IL1RAPL2: variants seen among roughly 807,000 people sequenced by gnomAD.
IL1RAPL2 encodes the protein interleukin 1 receptor accessory protein like 2, also known as X-linked interleukin-1 receptor accessory protein-like 2.
A neutral mutation model predicts 44.1 loss-of-function variants in IL1RAPL2; 3 were observed. The ratio of observed to expected loss-of-function variants is 0.07; its 90% CI spans 0.03 to 0.18. The LOEUF (loss-of-function observed/expected upper bound fraction) is 0.18. Ranked by LOEUF, IL1RAPL2 falls within the 10% of genes least tolerant of loss-of-function variation. The pLI is 1.00. For synonymous variants in IL1RAPL2, 181 were observed against 178.8 expected (o/e 1.01, Z -0.10); for missense variants, 391 against 496.4 (o/e 0.79, Z 2.02).
At chrX:105,637,595 G>GC (rs35771946) in intron 6 of IL1RAPL2, among the ~76,000 whole-genome samples, 31,582 of 106,082 alleles carry the variant, frequency 0.3, 3,787 homozygotes, top group Middle Eastern at 0.36. Flanking sequence ...TAAATTATTT[G>GC]CCCCCCCCAT....
At chrX:105,503,021 G>A (rs1311211180) in intron 6 of IL1RAPL2, among the ~76,000 whole-genome samples, 1 of 110,626 alleles carries the variant, frequency 9.0e-6, no homozygotes, top group African/African-American at 3.3e-5. Flanking sequence ...GTTTCATTAA[G>A]TGCTCTCTGT....
At chrX:104,974,473 A>G (rs1296739803) in intron 2 of IL1RAPL2, among the ~76,000 whole-genome samples, 1 of 112,568 alleles carries the variant, frequency 8.9e-6, no homozygotes, top group East Asian at 2.8e-4. Flanking sequence ...ACTTAAACAC[A>G]TCAAATAAAA....
At chrX:105,125,746 T>C (rs1805971913) in intron 2 of IL1RAPL2, among the ~76,000 whole-genome samples, 1 of 110,378 alleles carries the variant, frequency 9.1e-6, no homozygotes, top group Non-Finnish European at 1.9e-5. Flanking sequence ...ATTCACAGGA[T>C]GTGAACCCTG....
At chrX:105,009,284 A>G (rs758720086) in intron 2 of IL1RAPL2, among the ~76,000 whole-genome samples, 7 of 111,279 alleles carry the variant, frequency 6.3e-5, no homozygotes, top group African/African-American at 2.3e-4. Flanking sequence ...ATTCTGCTAT[A>G]AAGACACATG....
At chrX:105,346,979 C>CAGA (rs1367611611) in intron 5 of IL1RAPL2, among the ~76,000 whole-genome samples, 1 of 111,586 alleles carries the variant, frequency 9.0e-6, no homozygotes, top group Non-Finnish European at 1.9e-5. Flanking sequence ...ATGTCAAGTC[C>CAGA]AGAAGAAATG....
At chrX:105,266,444 T>A (rs2034403514) in intron 4 of IL1RAPL2, among the ~76,000 whole-genome samples, 1 of 111,951 alleles carries the variant, frequency 8.9e-6, no homozygotes. Flanking sequence ...GGTAGAACAT[T>A]TGAGGCGAAT....
intron 2 of IL1RAPL2, among the ~76,000 whole-genome samples, chrX:105,097,124 C>T (rs1328280623): frequency 2.8e-5 from 3 of 108,793 alleles, no homozygotes; most frequent in Non-Finnish European, 3.8e-5. Flanking sequence ...GTCAGGAGAT[C>T]GAGACCATCC....
chrX:105,309,212 T>A (rs1404684805), intron 5 of IL1RAPL2, among the ~76,000 whole-genome samples: 2 of 107,123 alleles, frequency 1.9e-5, no homozygotes, highest in Non-Finnish European at 3.9e-5. Flanking sequence ...TTTTTTTGTA[T>A]TTCTAGTAGA....
At chrX:105,523,091 C>T (rs1188968764) in intron 6 of IL1RAPL2, among the ~76,000 whole-genome samples, 2 of 111,597 alleles carry the variant, frequency 1.8e-5, no homozygotes, top group African/African-American at 6.5e-5. Context: ...ATCTAGGGTT[C>T]TAACTAGACT....
At chrX:104,881,830 G>A (rs938049622) in intron 2 of IL1RAPL2, among the ~76,000 whole-genome samples, 3 of 112,082 alleles carry the variant, frequency 2.7e-5, no homozygotes, top group African/African-American at 9.7e-5. Flanking sequence ...TGGAAAGCTT[G>A]TAATATAGAC....
intron 5 of IL1RAPL2, among the ~76,000 whole-genome samples, chrX:105,329,711 A>G (rs1036858486): frequency 4.5e-5 from 5 of 111,220 alleles, no homozygotes; most frequent in African/African-American, 1.6e-4. Context: ...ACGGCTTTTA[A>G]GCACTTGAAA....
chrX:104,633,820 G>C (rs1462622357), intron 1 of IL1RAPL2, among the ~76,000 whole-genome samples: 1 of 111,374 alleles, frequency 9.0e-6, no homozygotes, highest in Non-Finnish European at 1.9e-5. Context: ...TTTTTTGAAG[G>C]GTTTTTTTGT....
At chrX:104,711,770 AAGAG>A (rs1035111436) in intron 2 of IL1RAPL2, among the ~76,000 whole-genome samples, 1 of 110,788 alleles carries the variant, frequency 9.0e-6, no homozygotes, top group African/African-American at 3.3e-5. Flanking sequence ...GAGACACTGG[AAGAG>A]AGAGAGAGTA....
chrX:104,956,495 T>TGTGTGTGTGTG (rs1556020850), intron 2 of IL1RAPL2, among the ~76,000 whole-genome samples: 14 of 108,579 alleles, frequency 1.3e-4, no homozygotes, highest in Middle Eastern at 4.7e-3. Context: ...TGTGTGTGTG[T>TGTGTGTGTGTG]TATGCCGGGC....
chrX:105,005,032 C>T (rs1346092724), intron 2 of IL1RAPL2, among the ~76,000 whole-genome samples: 3 of 109,763 alleles, frequency 2.7e-5, no homozygotes, highest in Non-Finnish European at 5.7e-5. Context: ...CTCATGCCTT[C>T]AGCCTTCCTC....
intron 2 of IL1RAPL2, among the ~76,000 whole-genome samples, chrX:105,085,151 T>C (rs1176307061): frequency 8.9e-6 from 1 of 112,043 alleles, no homozygotes; most frequent in Non-Finnish European, 1.9e-5. Context: ...TGTGAGAATA[T>C]ACTAATACAG....
chrX:104,758,339 T>C (rs183921538), intron 2 of IL1RAPL2, among the ~76,000 whole-genome samples: 1 of 111,427 alleles, frequency 9.0e-6, no homozygotes, highest in Non-Finnish European at 1.9e-5. Flanking sequence ...TCTTATCATG[T>C]TGAGTTTTAA....
chrX:105,002,035 G>A (rs1157147776), intron 2 of IL1RAPL2, among the ~76,000 whole-genome samples: 2 of 110,857 alleles, frequency 1.8e-5, no homozygotes, highest in Non-Finnish European at 3.8e-5. Flanking sequence ...AACGAATTTC[G>A]GAAGATTGCA....
chrX:105,003,004 G>A (rs967569055), intron 2 of IL1RAPL2, among the ~76,000 whole-genome samples: 2 of 111,332 alleles, frequency 1.8e-5, no homozygotes, highest in South Asian at 3.7e-4. Context: ...GTATTACTCT[G>A]GATGGGAGGA....
Sources: allele counts gnomAD v4.1 joint callset (sites outside exome capture counted in the v4.1 genomes callset), GRCh38; gene constraint gnomAD v4.1.1; transcripts MANE v1.5; gene names NCBI Gene and HGNC (gene_info 2026-07-23, HGNC 2026-07-21).